Variants in SPOCK3 observed in about 807,000 individuals in gnomAD.
SPOCK3 encodes the protein SPARC (osteonectin), cwcv and kazal like domains proteoglycan 3, also known as testican-3.
In SPOCK3, 30 loss-of-function variants were observed where a neutral mutation model predicts 56.6. That is an observed-to-expected ratio of 0.53 (90% CI 0.40 to 0.72). The LOEUF is 0.72. SPOCK3 is among the 30% of genes least tolerant of loss of function. The pLI is 0.00. For missense variants in SPOCK3, 527 were observed against 530.0 expected, an observed-to-expected ratio of 0.99 and a Z score of 0.06; for synonymous variants, 196 against 183.3, an observed-to-expected ratio of 1.07 and a Z score of -0.56.
intron 4 of SPOCK3, among the ~76,000 whole-genome samples, chr4:166,937,324 C>T (rs1182936970): frequency 1.1e-4 from 16 of 151,246 alleles, no homozygotes; most frequent in Admixed American, 9.9e-4. Context: ...GAAAATGTAG[C>T]ATTTGATCAA....
At chr4:166,841,511 C>T (rs565849841) in intron 6 of SPOCK3, among the ~76,000 whole-genome samples, 1 of 152,316 alleles carries the variant, frequency 6.6e-6, no homozygotes, top group Non-Finnish European at 1.5e-5. Context: ...TTCTCTGCTT[C>T]TTCCAAATTT....
At chr4:166,960,160 T>C (rs1209849570) in intron 4 of SPOCK3, among the ~76,000 whole-genome samples, 2 of 152,206 alleles carry the variant, frequency 1.3e-5, no homozygotes, top group Admixed American at 1.3e-4. Context: ...AACTCAAAGA[T>C]ACTTTTTAAA....
intron 4 of SPOCK3, among the ~76,000 whole-genome samples, chr4:166,916,832 T>G (rs1000638433): frequency 6.6e-6 from 1 of 152,196 alleles, no homozygotes; most frequent in Non-Finnish European, 1.5e-5. Flanking sequence ...CTATAAATCT[T>G]TAATACAATT....
chr4:166,914,788 GATTT>G (rs1431382327), intron 4 of SPOCK3, among the ~76,000 whole-genome samples: 2 of 151,950 alleles, frequency 1.3e-5, no homozygotes, highest in South Asian at 2.1e-4. Context: ...TACAATTGAA[GATTT>G]ATTAGAAATT....
chr4:166,767,935 AT>A, intron 7 of SPOCK3, among the ~76,000 whole-genome samples: 1 of 152,072 alleles, frequency 6.6e-6, no homozygotes, highest in Admixed American at 6.6e-5. Context: ...TGCCTTTACC[AT>A]TATGTAATGG....
At chr4:166,902,361 C>T (rs925254442) in intron 5 of SPOCK3, among the ~76,000 whole-genome samples, 6 of 152,004 alleles carry the variant, frequency 3.9e-5, no homozygotes, top group African/African-American at 1.4e-4. Context: ...TTGGTATACA[C>T]TGTGTTTCCT....
At chr4:167,165,773 T>C (rs192565748) in intron 2 of SPOCK3, among the ~76,000 whole-genome samples, 18 of 152,164 alleles carry the variant, frequency 1.2e-4, no homozygotes, top group African/African-American at 4.1e-4. Context: ...CACACCAAAC[T>C]ATTATAGATC....
intron 3 of SPOCK3, among the ~76,000 whole-genome samples, chr4:167,049,111 T>TG (rs966486266): frequency 2.6e-5 from 4 of 151,326 alleles, no homozygotes; most frequent in African/African-American, 9.7e-5. Context: ...TCTTTTTCTT[T>TG]TTTTTTTTTT....
intron 4 of SPOCK3, among the ~76,000 whole-genome samples, chr4:166,926,176 G>A (rs1739075550): frequency 6.6e-6 from 1 of 151,960 alleles, no homozygotes; most frequent in East Asian, 1.9e-4. Context: ...AATTTTACAA[G>A]CCCTTTGACC....
chr4:167,223,281 T>C (rs1427765554), intron 2 of SPOCK3, among the ~76,000 whole-genome samples: 3 of 143,264 alleles, frequency 2.1e-5, no homozygotes, highest in Middle Eastern at 3.7e-3. Context: ...TTTATAAATA[T>C]GTATTTATAT....
chr4:166,970,178 G>A (rs1057477286), intron 4 of SPOCK3, among the ~76,000 whole-genome samples: 7 of 152,152 alleles, frequency 4.6e-5, no homozygotes, highest in South Asian at 4.1e-4. Flanking sequence ...CATCTTACCA[G>A]ATTCTGGTCT....
At chr4:166,914,192 T>C (rs1737590869) in intron 4 of SPOCK3, among the ~76,000 whole-genome samples, 1 of 152,088 alleles carries the variant, frequency 6.6e-6, no homozygotes. Context: ...TTTGGGCTTC[T>C]AATCAGTGAA....
rs575439533 is a variant in SPOCK3 at position 166,863,504 on chromosome 4, G to C, written c.589+25626C>G. ...GATAGAGACTGGCAAATTGGATAAAGAGTCAAGACCCATCAGTGGGCTGTA... is the reference window on the plus strand; with the variant it reads ...GATAGAGACTGGCAAATTGGATAAACAGTCAAGACCCATCAGTGGGCTGTA... On this transcript the variant is annotated intron_variant, in intron 6 of 10. Coordinates refer to ENST00000357545, the MANE Select transcript of SPOCK3 (RefSeq NM_001040159.2). 2.0e-5 allele frequency among the ~76,000 whole-genome samples: 3 copies of C among 152,106 alleles called. No homozygotes were observed. In the South Asian group the frequency reaches 6.2e-4, roughly 32 times the overall value.
chr4:166,775,109 G>A (rs912068115), intron 7 of SPOCK3, among the ~76,000 whole-genome samples: 3 of 152,098 alleles, frequency 2.0e-5, no homozygotes, highest in Admixed American at 6.6e-5. Context: ...ATCTGGGGGA[G>A]TGAGGGAAGG....
chr4:166,843,318 G>A (rs532992645), intron 6 of SPOCK3, among the ~76,000 whole-genome samples: 6 of 152,342 alleles, frequency 3.9e-5, no homozygotes, highest in Non-Finnish European at 7.3e-5. Flanking sequence ...AGCGAGCGAC[G>A]GCCACCAGCA....
intron 2 of SPOCK3, among the ~76,000 whole-genome samples, chr4:167,158,943 C>T (rs1333166266): frequency 6.6e-6 from 1 of 151,910 alleles, no homozygotes; most frequent in African/African-American, 2.4e-5. Flanking sequence ...GAAGGCAGAG[C>T]TAGTTAACCA....
chr4:166,929,929 T>G (rs1471448272), intron 4 of SPOCK3, among the ~76,000 whole-genome samples: 1 of 152,174 alleles, frequency 6.6e-6, no homozygotes, highest in African/African-American at 2.4e-5. Context: ...CATAGCAAAA[T>G]GTAGTGGTCT....
intron 6 of SPOCK3, among the ~76,000 whole-genome samples, chr4:166,838,161 C>T (rs540002651): frequency 6.6e-6 from 1 of 151,952 alleles, no homozygotes; most frequent in Non-Finnish European, 1.5e-5. Flanking sequence ...ATTTCTTTAG[C>T]TTTATCTTGT....
chr4:166,907,423 A>C (rs1289908618), intron 5 of SPOCK3, among the ~76,000 whole-genome samples: 1 of 152,126 alleles, frequency 6.6e-6, no homozygotes, highest in Non-Finnish European at 1.5e-5. Context: ...ATTTGAAAAA[A>C]CAAAACAAAC....
Sources: gnomAD v4.1 joint callset for allele counts (sites outside exome capture counted in the v4.1 genomes callset) on GRCh38, gnomAD v4.1.1 for gene constraint, MANE v1.5 for transcripts, NCBI Gene and HGNC (gene_info 2026-07-23, HGNC 2026-07-21) for gene names.